Variants in CPAP observed in about 807,000 individuals in gnomAD.
CPAP encodes the protein centrosome assembly and centriole elongation protein, also known as centrosomal P4.1-associated protein.
the CPAP span, among the ~76,000 whole-genome samples, chr13:24,897,442 A>C: frequency 2.6e-5 from 4 of 152,352 alleles, no homozygotes; most frequent in South Asian, 8.3e-4. Flanking sequence ...CCTGCTACAC[A>C]GCAGGTACTC....
the CPAP span, chr13:24,889,260 ATTGT>A: frequency 8.4e-7 from 1 of 1,184,180 alleles, no homozygotes. Flanking sequence ...TTGGGTATAA[ATTGT>A]TTATTCCTTA....
At chr13:24,890,476 C>T in the CPAP span, among the ~76,000 whole-genome samples, 11 of 152,140 alleles carry the variant, frequency 7.2e-5, no homozygotes, top group Non-Finnish European at 1.6e-4. Flanking sequence ...GCCTCTGGGC[C>T]CACGCTGTCC....
the CPAP span, among the ~76,000 whole-genome samples, chr13:24,898,689 C>T: frequency 6.6e-6 from 1 of 152,134 alleles, no homozygotes; most frequent in Non-Finnish European, 1.5e-5. Flanking sequence ...TGTACGTGTG[C>T]AGGTGAGATT....
chr13:24,897,439 C>T, the CPAP span, among the ~76,000 whole-genome samples: 4 of 152,260 alleles, frequency 2.6e-5, no homozygotes, highest in South Asian at 8.3e-4. Context: ...ATGCCTGCTA[C>T]ACAGCAGGTA....
the CPAP span, chr13:24,908,143 GAAC>G: frequency 6.5e-7 from 1 of 1,550,096 alleles, no homozygotes; most frequent in Non-Finnish European, 8.9e-7. Context: ...TAAAAATTAA[GAAC>G]AATTTAGCTC....
chr13:24,899,527 C>G, the CPAP span: 3 of 1,614,000 alleles, frequency 1.9e-6, no homozygotes, highest in Non-Finnish European at 2.5e-6. Flanking sequence ...CCTTTTTAAA[C>G]TCTTCTATTC....
the CPAP span, chr13:24,886,433 A>C: frequency 2.6e-6 from 3 of 1,133,846 alleles, no homozygotes; most frequent in East Asian, 1.7e-4. Context: ...TCACTGATTT[A>C]TAGGTCCCAA....
At chr13:24,906,204 G>A in the CPAP span, 12 of 1,612,974 alleles carry the variant, frequency 7.4e-6, no homozygotes, top group East Asian at 6.7e-5. Context: ...GAAGACATCC[G>A]GTGACCTTTG....
the CPAP span, among the ~76,000 whole-genome samples, chr13:24,898,038 G>C: frequency 6.6e-6 from 1 of 152,132 alleles, no homozygotes; most frequent in Non-Finnish European, 1.5e-5. Flanking sequence ...TGGGACTACA[G>C]GCACACCACG....
At chr13:24,926,034 C>G in the CPAP span, 1 of 152,324 alleles carries the variant, frequency 6.6e-6, no homozygotes, top group Non-Finnish European at 1.5e-5. Flanking sequence ...AAGCAGTCCC[C>G]TAGCTGCTCT....
At chr13:24,891,432 G>C in the CPAP span, among the ~76,000 whole-genome samples, 1 of 152,118 alleles carries the variant, frequency 6.6e-6, no homozygotes, top group African/African-American at 2.4e-5. Flanking sequence ...AACTTCCCCT[G>C]TCCAAGCCTG....
chr13:24,886,597 G>A, the CPAP span, among the ~76,000 whole-genome samples: 1 of 152,126 alleles, frequency 6.6e-6, no homozygotes, highest in African/African-American at 2.4e-5. Context: ...TTGAGCAAAG[G>A]GGCAGATGGC....
the CPAP span, chr13:24,912,018 C>A: frequency 6.2e-7 from 1 of 1,613,962 alleles, no homozygotes; most frequent in South Asian, 1.1e-5. Flanking sequence ...TGTAGTTGCT[C>A]CAACTGTTGC....
the CPAP span, chr13:24,892,639 C>A: frequency 1.2e-6 from 2 of 1,613,144 alleles, no homozygotes; most frequent in Admixed American, 3.3e-5. Context: ...GCCTCCCTGC[C>A]TACCGCAAGC....
At chr13:24,896,640 A>G in the CPAP span, among the ~76,000 whole-genome samples, 1 of 152,240 alleles carries the variant, frequency 6.6e-6, no homozygotes, top group Non-Finnish European at 1.5e-5. Flanking sequence ...TACAACAACA[A>G]AAAGAAGTGT....
chr13:24,921,638 C>T, the CPAP span, among the ~76,000 whole-genome samples: 13 of 146,762 alleles, frequency 8.9e-5, no homozygotes, highest in African/African-American at 3.3e-4. Context: ...TTTTTTTTTT[C>T]AAAATCAACC....
chr13:24,905,951 C>A, the CPAP span: 7 of 1,614,150 alleles, frequency 4.3e-6, no homozygotes, highest in Non-Finnish European at 4.2e-6. Context: ...ATTTGGAACA[C>A]CTTCATCGTC....
chr13:24,933,631 A>G, the CPAP span: 1 of 152,674 alleles, frequency 6.5e-6, no homozygotes, highest in Admixed American at 6.5e-5. Flanking sequence ...AGGAAGCTAC[A>G]TTCCATCTTT....
At chr13:24,889,474 C>A in the CPAP span, 1 of 990,310 alleles carries the variant, frequency 1.0e-6, no homozygotes. Flanking sequence ...ACTAATAAAA[C>A]TCAGCTAGTG....
Sources: gnomAD v4.1 joint callset for allele counts (sites outside exome capture counted in the v4.1 genomes callset) on GRCh38, gnomAD v4.1.1 for gene constraint, MANE v1.5 for transcripts, NCBI Gene and HGNC (gene_info 2026-07-23, HGNC 2026-07-21) for gene names.